The following TRAF3IP3 variants were observed in gnomAD, a reference collection of about 807,000 sequenced individuals.
The protein encoded by TRAF3IP3 is TRAF3 interacting protein 3.
TRAF3IP3 carries 64 observed loss-of-function variants against 86.5 expected under a neutral mutation model. That is an observed-to-expected ratio of 0.74 (90% confidence interval 0.60 to 0.91). TRAF3IP3 has a LOEUF of 0.91. Among genes scored for constraint, TRAF3IP3 ranks in the 40% least tolerant of loss-of-function variants. The pLI is 0.00. For missense variants in TRAF3IP3, 579 were observed against 642.9 expected (o/e 0.90, Z 1.07); for synonymous variants, 220 against 243.9 (o/e 0.90, Z 0.91).
At chr1:209,770,468 GGT>G (rs34097069) in intron 8 of TRAF3IP3, among the ~76,000 whole-genome samples, 28,776 of 142,664 alleles carry the variant, frequency 0.2, 2,966 homozygotes, top group Middle Eastern at 0.24. Context: ...TGCATGTGGA[GGT>G]GTGTGTGTGC....
At chr1:209,764,296 T>A (rs1449118181) in intron 8 of TRAF3IP3, among the ~76,000 whole-genome samples, 3 of 151,836 alleles carry the variant, frequency 2.0e-5, no homozygotes, top group African/African-American at 4.9e-5. Flanking sequence ...TACAAAAACA[T>A]GAAAAATAAA....
Position 209,779,394 on chromosome 1 carries a change from C to T in TRAF3IP3, c.1312+20C>T, listed in dbSNP as rs144368205. On this transcript the variant is annotated intron_variant, in intron 14 of 16. Transcript: ENST00000367025. The stretch of plus-strand genomic sequence containing the variant: ...AGAAAGGTCAGCAAATTTATTACCA[C>T]AAATTCTAAGATATTGCTCTTCTCT... 8.5e-5 allele frequency: 136 copies of T among 1,606,138 alleles called. No homozygotes were observed. The highest frequency in any genetic ancestry group is 2.0e-4 in the Admixed American group (12 of 60,000).
chr1:209,762,295 A>G (rs2077260342), intron 3 of TRAF3IP3, among the ~76,000 whole-genome samples: 4 of 152,194 alleles, frequency 2.6e-5, no homozygotes, highest in Admixed American at 2.6e-4. Context: ...AATCCCATTC[A>G]TGAGGGCTAC....
At chr1:209,771,539 G>GTA (rs2077526098) in intron 8 of TRAF3IP3, among the ~76,000 whole-genome samples, 1 of 146,272 alleles carries the variant, frequency 6.8e-6, no homozygotes, top group Non-Finnish European at 1.5e-5. Context: ...GTGGAGGTAC[G>GTA]TGTATGCAGG....
chr1:209,767,898 A>T lies in TRAF3IP3; in HGVS notation c.702+4311A>T, dbSNP rs2077388150. Reference sequence around the variant, plus strand: ...GGAGTTTCACCCCATGCTCCAGCCCAAGAGCAGAAGTTCCCTTGGTTGTGG... The same window carrying T: ...GGAGTTTCACCCCATGCTCCAGCCCTAGAGCAGAAGTTCCCTTGGTTGTGG... On this transcript the variant is annotated intron_variant, in intron 8 of 16. Transcript: ENST00000367025. Among the ~76,000 whole-genome samples the T allele has an allele frequency of 2.0e-5, 3 of 152,132 alleles. No homozygotes were observed. In the South Asian group the frequency reaches 6.2e-4, roughly 31 times the overall value.
At chr1:209,761,953 G>A (rs2077253549) in intron 3 of TRAF3IP3, among the ~76,000 whole-genome samples, 1 of 152,270 alleles carries the variant, frequency 6.6e-6, no homozygotes, top group Non-Finnish European at 1.5e-5. Flanking sequence ...CTGGCCTGAG[G>A]AGGACCATTT....
At chr1:209,780,411 A>C in intron 14 of TRAF3IP3, 59 bp from the exon 15 acceptor site, 1 of 1,427,526 alleles carries the variant, frequency 7.0e-7, no homozygotes, top group Non-Finnish European at 9.3e-7. Context: ...TTTCACCCTC[A>C]GGGCCCTTCC....
rs769426227 is a variant in TRAF3IP3 at position 209,762,609 on chromosome 1, G to A, written c.440G>A (p.Gly147Glu). The change falls in exon 4 of 17, where the codon GGG becomes GAG. Residue 147 changes from glycine to glutamate, a missense_variant. Physicochemically the swap from Gly to Glu is moderately conservative, Grantham distance 98 (BLOSUM62 -2). Coordinates refer to ENST00000367025, the MANE Select transcript of TRAF3IP3 (RefSeq NM_025228.4). Reference sequence around the variant, plus strand: ...TCTGACCACCTCTCCTCACAGGCTGGGGGCCTTCCTCCACAGGACACTCCC... The same window carrying A: ...TCTGACCACCTCTCCTCACAGGCTGAGGGCCTTCCTCCACAGGACACTCCC... ...DLSDHLSSQA[G>E]GLPPQDTPIK... 2.0e-6 allele frequency: 3 copies of A among 1,520,648 alleles called. No individual in the cohort carries two copies. Among genetic ancestry groups the A allele is most frequent in the Admixed American group, 2.1e-5 (1 of 47,056 alleles). 94.2% of individuals were successfully genotyped at this position (1,520,648 alleles called of 1,614,324 possible). A position where few individuals can be genotyped will look rare whatever the true frequency, so the allele number is the denominator to read the frequency against.
chr1:209,779,604 C>G, intron 14 of TRAF3IP3: 1 of 652,486 alleles, frequency 1.5e-6, no homozygotes, highest in Non-Finnish European at 2.8e-6. Flanking sequence ...TCTATTCTCT[C>G]TGAAAGCACA....
In TRAF3IP3 at chr1:209,777,439, C is replaced by G. The variant is rs1291270779; in HGVS notation, c.1141C>G (p.Leu381Val). 1.2e-6 allele frequency: 2 copies of G among 1,614,110 alleles called. No homozygotes were observed. Among genetic ancestry groups the G allele is most frequent in the Non-Finnish European group, 1.7e-6 (2 of 1,179,998 alleles). ...HQQLQAKIECLQGDRDLCSLD... is the reference protein window; with the variant it reads ...HQQLQAKIECVQGDRDLCSLD... Reference sequence around the variant, plus strand: ...GCAACTGCAGGCCAAGATTGAATGCCTGCAAGGGGACAGAGACCTGTGCAG... The same window carrying G: ...GCAACTGCAGGCCAAGATTGAATGCGTGCAAGGGGACAGAGACCTGTGCAG... The change falls in exon 12 of 17, where the codon CTG becomes GTG. Residue 381 changes from leucine (L) to valine (V), a missense_variant. Physicochemically the swap from Leu to Val is conservative, Grantham distance 32 (BLOSUM62 1). Coordinates refer to ENST00000367025, the MANE Select transcript of TRAF3IP3 (RefSeq NM_025228.4).
At position 209,775,492 on chromosome 1, in the gene TRAF3IP3, A is replaced by G. The variant is rs753370503; in HGVS notation, c.915+3A>G. On this transcript the variant is annotated splice_donor_region_variant and intron_variant, in intron 10 of 16. Coordinates refer to ENST00000367025, the MANE Select transcript of TRAF3IP3 (RefSeq NM_025228.4). ...AGCAGCAACTACAGAGCACACAGGT[A>G]TGGGGATGCCACATAGACATGGGGC... 48 of 1,613,982 alleles carry G rather than the reference A, an allele frequency of 3.0e-5. No homozygotes were observed. Among genetic ancestry groups the G allele is most frequent in the Non-Finnish European group, 3.7e-5 (44 of 1,179,940 alleles).
chr1:209,762,799 C>T lies in TRAF3IP3; in HGVS notation c.494-14C>T, dbSNP rs1482451405. On this transcript the variant is annotated splice_polypyrimidine_tract_variant and intron_variant, in intron 4 of 16. Transcript: ENST00000367025. ...CCCTGTAAGTTCTAAATCAACTTAT[C>T]CTCCATCTCTCAGGTACTCAGACAA... The T allele has an allele frequency of 1.3e-6, 2 of 1,517,626 alleles. No homozygotes were observed. The highest frequency in any genetic ancestry group is 1.1e-5 in the South Asian group (1 of 89,436). The allele number at this position is 1,517,626 out of a possible 1,614,324, so 94.0% of individuals were successfully genotyped here. A position where few individuals can be genotyped will look rare whatever the true frequency, so the allele number is the denominator to read the frequency against.
chr1:209,771,609 T>TGGTGTGCGTGTGCATATGGA (rs2077529638), intron 8 of TRAF3IP3, among the ~76,000 whole-genome samples: 1 of 105,478 alleles, frequency 9.5e-6, no homozygotes, highest in African/African-American at 3.8e-5. Flanking sequence ...TGTGCGCATG[T>TGGTGTGCGTGTGCATATGGA]GGTGTGCGTG....
chr1:209,762,850 C>G lies in TRAF3IP3; in HGVS notation c.531C>G (p.Asn177Lys). 1 of 1,614,192 alleles carries G rather than the reference C, an allele frequency of 6.2e-7. No homozygotes were observed. The highest frequency in any genetic ancestry group is 1.1e-5 in the South Asian group (1 of 91,082). The change falls in exon 5 of 17, where the codon AAC becomes AAG. Residue 177 changes from asparagine to lysine, a missense_variant. Coordinates refer to ENST00000367025, the MANE Select transcript of TRAF3IP3 (RefSeq NM_025228.4). ...AGGCAGAAGGACCAACAATTAAGAA[C>G]GATGCCAGTCAGCAAACCAAGTGAG... The part of the protein sequence containing the change: ...QTKAEGPTIK[N>K]DASQQTNYGV...
Position 209,762,517 on chromosome 1 carries a change from G to T in TRAF3IP3, c.348G>T (p.Val116=). Residue 116 remains valine, a splice_region_variant and synonymous_variant, in exon 4 of 17, where the codon GTG becomes GTT. Coordinates refer to ENST00000367025, the MANE Select transcript of TRAF3IP3 (RefSeq NM_025228.4). The part of the protein sequence containing the change: ...ARRISSPREQ[V]TGTSSEVFPA... ...AGCATTCCCCACTTGCCTTCCAGGT[G>T]ACAGGCACCAGCTCTGAAGTCTTTC... The T allele has an allele frequency of 6.9e-7, 1 of 1,447,178 alleles. No homozygotes were observed. The highest frequency in any genetic ancestry group is 1.7e-5 in the South Asian group (1 of 59,754). The allele number at this position is 1,447,178 out of a possible 1,614,324, so 89.6% of individuals were successfully genotyped here.
intron 8 of TRAF3IP3, 42 bp downstream of exon 8, chr1:209,763,629 A>G: frequency 1.4e-6 from 2 of 1,479,546 alleles, no homozygotes; most frequent in Non-Finnish European, 1.9e-6. Flanking sequence ...TTGGGCTTCT[A>G]TGTGTTCCCA....
intron 8 of TRAF3IP3, 24 bp from the exon 9 acceptor site, chr1:209,772,924 A>C (rs1387879604): frequency 6.2e-7 from 1 of 1,611,830 alleles, no homozygotes; most frequent in East Asian, 2.2e-5. Flanking sequence ...CCCCAAGCTC[A>C]TTAACTCATC....
rs779234473 is a variant in TRAF3IP3 at position 209,782,186 on chromosome 1, C to A, written c.*38C>A. The A allele has an allele frequency of 6.5e-7, 1 of 1,549,268 alleles. No individual in the cohort carries two copies. Among genetic ancestry groups the A allele is most frequent in the South Asian group, 1.1e-5 (1 of 89,746 alleles). ...AACTGCCTTGGGTGAAAATCAGAAG[C>A]AAGCAACTCAGCGAAAAACTCAGAA... On this transcript the variant is annotated 3_prime_UTR_variant, in exon 17 of 17. Coordinates refer to ENST00000367025, the MANE Select transcript of TRAF3IP3 (RefSeq NM_025228.4).
At chr1:209,756,858 C>G (rs2077162823) in intron 1 of TRAF3IP3, among the ~76,000 whole-genome samples, 1 of 152,204 alleles carries the variant, frequency 6.6e-6, no homozygotes, top group Admixed American at 6.5e-5. Flanking sequence ...CCTGAGAGAC[C>G]AGGCTGAGCC....
Sources: gnomAD v4.1 joint callset for allele counts (sites outside exome capture counted in the v4.1 genomes callset) on GRCh38, gnomAD v4.1.1 for gene constraint, MANE v1.5 for transcripts, NCBI Gene and HGNC (gene_info 2026-07-23, HGNC 2026-07-21) for gene names.